Variants in ARHGAP6 observed in about 807,000 individuals in gnomAD.
ARHGAP6 encodes the protein Rho GTPase activating protein 6, also known as rho GTPase-activating protein 6.
In ARHGAP6, 16 loss-of-function variants were observed where a neutral mutation model predicts 55.7. The observed-to-expected ratio is 0.29, with a 90% CI of 0.19 to 0.44. The LOEUF (loss-of-function observed/expected upper bound fraction) is 0.44, where lower values mean the gene tolerates loss of function less well. Ranked by LOEUF, ARHGAP6 falls within the 20% of genes least tolerant of loss-of-function variation. The probability of loss-of-function intolerance (pLI) is 1.00; values close to 1 mark genes in which losing one functional copy is unlikely to be tolerated. For synonymous variants in ARHGAP6, 382 were observed against 360.9 expected, an observed-to-expected ratio of 1.06 and a Z score of -0.66; for missense variants, 698 against 808.9, an observed-to-expected ratio of 0.86 and a Z score of 1.66.
At chrX:11,606,165 G>A (rs1263321465) in intron 1 of ARHGAP6, among the ~76,000 whole-genome samples, 1 of 112,084 alleles carries the variant, frequency 8.9e-6, no homozygotes, top group Non-Finnish European at 1.9e-5. Flanking sequence ...AAAGAAGATA[G>A]CAACAAAGAT....
Position 11,304,777 on chromosome X carries a change from C to CTTTTTTTT in ARHGAP6, c.589-50078_589-50071dup, listed in dbSNP as rs953912280. Reference sequence around the variant, plus strand: ...AAGGATTTCATTTTTCTTTCTTTTACTTTTTTTTTTTTTTTTTTTTTTTTT... The same window carrying CTTTTTTTT: ...AAGGATTTCATTTTTCTTTCTTTTACTTTTTTTTTTTTTTTTTTTTTTTTTTTTTTTTT... On this transcript the variant is annotated intron_variant, in intron 1 of 12. Transcript: ENST00000337414. Among the ~76,000 whole-genome samples, 14 of 50,281 alleles carry CTTTTTTTT rather than the reference C, an allele frequency of 2.8e-4. 1 individual carries two copies. The highest frequency in any genetic ancestry group is 7.8e-4 in the African/African-American group (9 of 11,572). 43.7% of individuals were successfully genotyped at this position (50,281 alleles called of 115,157 possible).
chrX:11,283,257 C>A (rs183237235), intron 1 of ARHGAP6, among the ~76,000 whole-genome samples: 1 of 111,676 alleles, frequency 9.0e-6, no homozygotes, highest in African/African-American at 3.3e-5. Context: ...CTCTTCTAGG[C>A]ACTGAGGAGA....
chrX:11,265,862 C>T, intron 1 of ARHGAP6: 7 of 951,361 alleles, frequency 7.4e-6, no homozygotes, highest in Non-Finnish European at 9.4e-6. Flanking sequence ...CTGTGACTCC[C>T]ACGATACCTT....
chrX:11,285,252 T>C (rs1276943691), intron 1 of ARHGAP6, among the ~76,000 whole-genome samples: 2 of 109,247 alleles, frequency 1.8e-5, no homozygotes, highest in Non-Finnish European at 3.8e-5. Flanking sequence ...GTTCTGTCTA[T>C]TCCCCATCCT....
At chrX:11,139,626 TC>T in intron 12 of ARHGAP6, 96 bp from the exon 13 acceptor site, 4 of 940,896 alleles carry the variant, frequency 4.3e-6, no homozygotes, top group Non-Finnish European at 5.6e-6. Context: ...TTCTACGACG[TC>T]CCCCCGGACT....
intron 1 of ARHGAP6, among the ~76,000 whole-genome samples, chrX:11,497,053 C>G (rs2050629849): frequency 9.0e-6 from 1 of 111,420 alleles, no homozygotes; most frequent in African/African-American, 3.3e-5. Flanking sequence ...GTTTAGTGAT[C>G]ACCAGATCTT....
chrX:11,169,724 C>T, intron 8 of ARHGAP6, 40 bp from the exon 9 acceptor site: 5 of 1,019,191 alleles, frequency 4.9e-6, no homozygotes, highest in Non-Finnish European at 5.2e-6. Context: ...GTTATGTTTG[C>T]CTTTCAAGAT....
chrX:11,169,772 CCTT>C (rs2046064637), intron 8 of ARHGAP6, 88 bp from the exon 9 acceptor site: 1 of 741,580 alleles, frequency 1.3e-6, no homozygotes, highest in Non-Finnish European at 1.9e-6. Flanking sequence ...CTTTTACTCT[CCTT>C]TTTTTTTTTT....
intron 1 of ARHGAP6, among the ~76,000 whole-genome samples, chrX:11,332,863 C>A (rs1012065374): frequency 1.8e-5 from 2 of 111,819 alleles, no homozygotes; most frequent in Non-Finnish European, 3.8e-5. Context: ...GTGTGACAAC[C>A]ACAATAGTCA....
intron 9 of ARHGAP6, among the ~76,000 whole-genome samples, chrX:11,168,922 G>A (rs978476526): frequency 8.9e-6 from 1 of 112,144 alleles, no homozygotes; most frequent in Admixed American, 9.4e-5. Flanking sequence ...AGAGGATATG[G>A]AGAGGAGATA....
intron 1 of ARHGAP6, among the ~76,000 whole-genome samples, chrX:11,414,913 A>C (rs1420595549): frequency 9.0e-6 from 1 of 111,571 alleles, no homozygotes; most frequent in Non-Finnish European, 1.9e-5. Context: ...AAGGATACAA[A>C]ATTTTAGTTA....
chrX:11,456,850 A>AAT (rs2050198414), intron 1 of ARHGAP6, among the ~76,000 whole-genome samples: 1 of 112,370 alleles, frequency 8.9e-6, no homozygotes, highest in African/African-American at 3.2e-5. Flanking sequence ...GAAAAAATGA[A>AAT]ATATATAGTG....
chrX:11,364,572 G>C (rs2049051545), intron 1 of ARHGAP6, among the ~76,000 whole-genome samples: 1 of 110,998 alleles, frequency 9.0e-6, no homozygotes, highest in Non-Finnish European at 1.9e-5. Flanking sequence ...TCCAAAGATA[G>C]ATCCTCATTA....
chrX:11,376,177 T>C (rs1193758279), intron 1 of ARHGAP6, among the ~76,000 whole-genome samples: 1 of 112,190 alleles, frequency 8.9e-6, no homozygotes, highest in Non-Finnish European at 1.9e-5. Context: ...GAAACTCATC[T>C]ATTGGCAGAA....
intron 2 of ARHGAP6, among the ~76,000 whole-genome samples, chrX:11,204,606 T>C (rs1274955536): frequency 9.0e-6 from 1 of 111,593 alleles, no homozygotes; most frequent in Non-Finnish European, 1.9e-5. Context: ...TGGAGACTTA[T>C]TTTTCCCTTT....
intron 1 of ARHGAP6, among the ~76,000 whole-genome samples, chrX:11,299,761 G>C (rs1199173034): frequency 8.9e-6 from 1 of 111,810 alleles, no homozygotes; most frequent in Non-Finnish European, 1.9e-5. Flanking sequence ...TTGCTACTGA[G>C]AAGAAGAGAG....
chrX:11,595,147 G>A (rs766923358), intron 1 of ARHGAP6, among the ~76,000 whole-genome samples: 2 of 110,817 alleles, frequency 1.8e-5, no homozygotes, highest in African/African-American at 3.3e-5. Context: ...AAAATTAGCC[G>A]GGTATGGTGG....
At chrX:11,475,560 TACAC>T (rs199969639) in intron 1 of ARHGAP6, among the ~76,000 whole-genome samples, 17,707 of 95,707 alleles carry the variant, frequency 0.19, 1,397 homozygotes, top group Middle Eastern at 0.25. Context: ...TTAAAGAAAC[TACAC>T]ACACACACAC....
At chrX:11,171,481 A>G (rs2046091018) in intron 8 of ARHGAP6, among the ~76,000 whole-genome samples, 1 of 110,582 alleles carries the variant, frequency 9.0e-6, no homozygotes, top group Non-Finnish European at 1.9e-5. Flanking sequence ...TTTTAACCAC[A>G]GTCAACTAAT....
Sources: allele counts gnomAD v4.1 joint callset (sites outside exome capture counted in the v4.1 genomes callset), GRCh38; gene constraint gnomAD v4.1.1; transcripts MANE v1.5; gene names NCBI Gene and HGNC (gene_info 2026-07-23, HGNC 2026-07-21).